The following DLG2 variants were observed in gnomAD, a reference collection of about 807,000 sequenced individuals.
DLG2 encodes discs large MAGUK scaffold protein 2.
Under a neutral mutation model 132.5 loss-of-function variants are expected in DLG2, and 45 were observed. That is an observed-to-expected ratio of 0.34 (90% CI 0.27 to 0.44). DLG2 has a LOEUF of 0.44. Among genes scored for constraint, DLG2 ranks in the 20% least tolerant of loss-of-function variants. The pLI, the probability that DLG2 is intolerant of heterozygous loss-of-function variation, is 1.00. For synonymous variants in DLG2, 424 were observed against 419.6 expected (o/e 1.01, Z -0.13); for missense variants, 1,045 against 1,196.9 (o/e 0.87, Z 1.87).
intron 7 of DLG2, among the ~76,000 whole-genome samples, chr11:84,427,946 AAATC>A (rs991925628): frequency 6.6e-6 from 1 of 152,232 alleles, no homozygotes; most frequent in African/African-American, 2.4e-5. Context: ...ATGATAGGGA[AAATC>A]AATCAATTGT....
rs906386146 is a variant in DLG2 at position 83,556,500 on chromosome 11, G to A, written c.1941-14642C>T. Reference sequence around the variant, plus strand: ...TGATCCTCCCATCTCAGCCTCCTGTGTAGCTGGGACCACAGGCGTGCGCCA... The same window carrying A: ...TGATCCTCCCATCTCAGCCTCCTGTATAGCTGGGACCACAGGCGTGCGCCA... On this transcript the variant is annotated intron_variant, in intron 19 of 27. Transcript: ENST00000376104. Among the ~76,000 whole-genome samples the A allele has an allele frequency of 2.6e-5, 4 of 151,782 alleles. No homozygotes were observed. In the East Asian group the frequency reaches 5.8e-4, roughly 22 times the overall value.
chr11:84,461,349 T>G (rs1480014989), intron 7 of DLG2, among the ~76,000 whole-genome samples: 1 of 150,866 alleles, frequency 6.6e-6, no homozygotes, highest in Non-Finnish European at 1.5e-5. Flanking sequence ...AGAACACAAA[T>G]CCAGGTTAGT....
intron 7 of DLG2, among the ~76,000 whole-genome samples, chr11:84,353,013 T>A (rs1459594592): frequency 6.6e-6 from 1 of 152,194 alleles, no homozygotes; most frequent in Non-Finnish European, 1.5e-5. Flanking sequence ...ACACTAGATA[T>A]TTTTCCATGG....
At chr11:85,381,757 ATTT>A (rs200704015) in intron 3 of DLG2, among the ~76,000 whole-genome samples, 2 of 151,888 alleles carry the variant, frequency 1.3e-5, no homozygotes, top group East Asian at 3.9e-4. Context: ...CCATTTGTAA[ATTT>A]TTTTTTAAAT....
intron 6 of DLG2, among the ~76,000 whole-genome samples, chr11:84,990,426 T>C (rs1413737822): frequency 6.6e-6 from 1 of 152,158 alleles, no homozygotes. Flanking sequence ...TGGCCCCTTT[T>C]TGCTTTTCTG....
chr11:83,800,339 C>T (rs1055440529), intron 17 of DLG2, among the ~76,000 whole-genome samples: 2 of 152,160 alleles, frequency 1.3e-5, no homozygotes, highest in African/African-American at 4.8e-5. Context: ...ATTCTATGCT[C>T]AAAATGTATT....
At chr11:85,043,520 G>A (rs540261009) in intron 6 of DLG2, among the ~76,000 whole-genome samples, 1 of 151,692 alleles carries the variant, frequency 6.6e-6, no homozygotes, top group African/African-American at 2.4e-5. Flanking sequence ...AACAACAGAA[G>A]ATCAACAAAA....
intron 5 of DLG2, among the ~76,000 whole-genome samples, chr11:85,146,033 C>A (rs945479117): frequency 2.6e-5 from 4 of 152,090 alleles, no homozygotes; most frequent in African/African-American, 9.7e-5. Flanking sequence ...TCTCTGGTCA[C>A]TGAAGCCATA....
intron 21 of DLG2, among the ~76,000 whole-genome samples, chr11:83,517,096 C>G (rs1232093341): frequency 6.6e-6 from 1 of 152,178 alleles, no homozygotes; most frequent in South Asian, 2.1e-4. Context: ...GGAAGTTCTC[C>G]TGGATAATAT....
At chr11:84,014,820 C>G (rs1433226870) in intron 11 of DLG2, among the ~76,000 whole-genome samples, 1 of 150,436 alleles carries the variant, frequency 6.6e-6, no homozygotes, top group African/African-American at 2.5e-5. Flanking sequence ...TGCCTACATC[C>G]TAATCCTGAT....
At chr11:85,337,694 A>T (rs994315973) in intron 3 of DLG2, among the ~76,000 whole-genome samples, 7 of 151,910 alleles carry the variant, frequency 4.6e-5, no homozygotes, top group Non-Finnish European at 2.9e-5. Flanking sequence ...AGTAAAGTCT[A>T]GATAAGTCCT....
chr11:85,220,539 A>G (rs2074564853), intron 4 of DLG2, among the ~76,000 whole-genome samples: 1 of 152,002 alleles, frequency 6.6e-6, no homozygotes, highest in African/African-American at 2.4e-5. Flanking sequence ...CTCCACTACC[A>G]ACTAAATAGT....
intron 6 of DLG2, among the ~76,000 whole-genome samples, chr11:84,838,606 G>A (rs569355785): frequency 1.3e-5 from 2 of 151,976 alleles, no homozygotes; most frequent in East Asian, 3.9e-4. Context: ...TAGAAACTCT[G>A]GCACAACTGC....
chr11:84,892,123 A>G (rs1236820647), intron 6 of DLG2, among the ~76,000 whole-genome samples: 2 of 152,204 alleles, frequency 1.3e-5, no homozygotes, highest in Admixed American at 1.3e-4. Context: ...GTATTATTTC[A>G]TAGTCTTGGC....
At chr11:83,536,882 C>T (rs1030559430) in intron 20 of DLG2, among the ~76,000 whole-genome samples, 13 of 152,188 alleles carry the variant, frequency 8.5e-5, no homozygotes, top group African/African-American at 2.2e-4. Flanking sequence ...CTTACTTTCC[C>T]GGTAAGAATC....
At chr11:85,274,296 G>A (rs2077743886) in intron 4 of DLG2, among the ~76,000 whole-genome samples, 1 of 152,086 alleles carries the variant, frequency 6.6e-6, no homozygotes, top group African/African-American at 2.4e-5. Flanking sequence ...GGAAACTAAG[G>A]TGGGCCATTG....
intron 3 of DLG2, among the ~76,000 whole-genome samples, chr11:85,425,514 C>T (rs1349112306): frequency 6.6e-6 from 1 of 151,982 alleles, no homozygotes; most frequent in East Asian, 1.9e-4. Context: ...ACTGGTAACA[C>T]TTTAAATTGA....
chr11:84,782,063 T>C (rs2071897444), intron 6 of DLG2, among the ~76,000 whole-genome samples: 1 of 152,102 alleles, frequency 6.6e-6, no homozygotes, highest in African/African-American at 2.4e-5. Context: ...ACAATATCAG[T>C]ATGATTCTTG....
intron 18 of DLG2, among the ~76,000 whole-genome samples, chr11:83,734,201 C>A (rs1245680002): frequency 6.6e-6 from 1 of 152,070 alleles, no homozygotes; most frequent in Non-Finnish European, 1.5e-5. Context: ...ATTTGTTGCC[C>A]ACACTATTCA....
Sources: allele counts gnomAD v4.1 joint callset (sites outside exome capture counted in the v4.1 genomes callset), GRCh38; gene constraint gnomAD v4.1.1; transcripts MANE v1.5; gene names NCBI Gene and HGNC (gene_info 2026-07-23, HGNC 2026-07-21).